RPRD2: variants seen among roughly 807,000 people sequenced by gnomAD.
RPRD2 encodes regulation of nuclear pre-mRNA domain containing 2.
Under a neutral mutation model 104.4 loss-of-function variants are expected in RPRD2, and 12 were observed. The observed-to-expected ratio is 0.11, with a 90% CI of 0.07 to 0.19. RPRD2 has a LOEUF of 0.19. Among genes scored for constraint, RPRD2 ranks in the 10% least tolerant of loss-of-function variants. The probability of loss-of-function intolerance (pLI) is 1.00; values close to 1 mark genes in which losing one functional copy is unlikely to be tolerated. For missense variants in RPRD2, 1,543 were observed against 1,790.1 expected (o/e 0.86, Z 2.49); for synonymous variants, 714 against 684.9 (o/e 1.04, Z -0.66).
intron 2 of RPRD2, among the ~76,000 whole-genome samples, chr1:150,436,228 T>C (rs1665981113): frequency 1.3e-5 from 2 of 152,200 alleles, no homozygotes; most frequent in Non-Finnish European, 2.9e-5. Context: ...AGATTGATGT[T>C]ATTTTCTTGC....
chr1:150,456,367 G>C (rs1398175649), intron 7 of RPRD2, among the ~76,000 whole-genome samples: 1 of 152,048 alleles, frequency 6.6e-6, no homozygotes, highest in Non-Finnish European at 1.5e-5. Context: ...ATTCACTTAG[G>C]GAGTATAAAA....
At chr1:150,462,260 C>A (rs1667984124) in intron 9 of RPRD2, among the ~76,000 whole-genome samples, 1 of 151,630 alleles carries the variant, frequency 6.6e-6, no homozygotes, top group African/African-American at 2.4e-5. Flanking sequence ...TCAGCCTGGG[C>A]AACAGAGCAA....
intron 1 of RPRD2, among the ~76,000 whole-genome samples, chr1:150,398,185 A>ATTT (rs1553884588): frequency 2.3e-5 from 1 of 42,622 alleles, no homozygotes; most frequent in Non-Finnish European, 4.7e-5. Flanking sequence ...TTGTGTTTTT[A>ATTT]TATTTATTTT....
intron 2 of RPRD2, among the ~76,000 whole-genome samples, chr1:150,431,806 G>A (rs1665617676): frequency 6.6e-6 from 1 of 151,956 alleles, no homozygotes; most frequent in Non-Finnish European, 1.5e-5. Flanking sequence ...TCTAATACAT[G>A]CCGCAGCATG....
At chr1:150,384,018 C>G (rs1661350584) in intron 1 of RPRD2, among the ~76,000 whole-genome samples, 1 of 152,136 alleles carries the variant, frequency 6.6e-6, no homozygotes, top group African/African-American at 2.4e-5. Flanking sequence ...TTAGGAACTA[C>G]CAAATTAAAG....
At chr1:150,388,404 G>GTATATACACATGTATATATATACA (rs1661783990) in intron 1 of RPRD2, among the ~76,000 whole-genome samples, 1 of 116,172 alleles carries the variant, frequency 8.6e-6, no homozygotes, top group Admixed American at 8.7e-5. Context: ...GTATATACGT[G>GTATATACACATGTATATATATACA]TATATACACA....
chr1:150,380,511 C>A (rs1661044731), intron 1 of RPRD2, among the ~76,000 whole-genome samples: 1 of 151,844 alleles, frequency 6.6e-6, no homozygotes, highest in African/African-American at 2.4e-5. Flanking sequence ...CCATGCCCAG[C>A]TAATTTTTGT....
At chr1:150,419,918 G>A (rs1405333773) in intron 2 of RPRD2, among the ~76,000 whole-genome samples, 1 of 152,180 alleles carries the variant, frequency 6.6e-6, no homozygotes, top group African/African-American at 2.4e-5. Context: ...GTGAGCCAAC[G>A]CACCTGGCCT....
At chr1:150,384,002 C>CA (rs1333601642) in intron 1 of RPRD2, among the ~76,000 whole-genome samples, 1 of 152,138 alleles carries the variant, frequency 6.6e-6, no homozygotes, top group African/African-American at 2.4e-5. Context: ...GTTTCACTGT[C>CA]AAAGTTTAGG....
At chr1:150,415,256 C>T (rs1412041184) in intron 1 of RPRD2, among the ~76,000 whole-genome samples, 2 of 151,922 alleles carry the variant, frequency 1.3e-5, no homozygotes, top group African/African-American at 2.4e-5. Context: ...AGCTTGAACC[C>T]GTGAGGCGGA....
intron 1 of RPRD2, among the ~76,000 whole-genome samples, chr1:150,400,710 C>G (rs375843559): frequency 6.6e-6 from 1 of 152,020 alleles, no homozygotes; most frequent in Non-Finnish European, 1.5e-5. Context: ...CTTCCTTTTC[C>G]GCTGTTCTTA....
At chr1:150,449,072 C>T (rs1173351896) in intron 7 of RPRD2, among the ~76,000 whole-genome samples, 1 of 152,044 alleles carries the variant, frequency 6.6e-6, no homozygotes, top group African/African-American at 2.4e-5. Flanking sequence ...CAAGATTAGC[C>T]TGGGCAACAT....
chr1:150,425,105 T>C (rs1665029811), intron 2 of RPRD2, among the ~76,000 whole-genome samples: 1 of 152,128 alleles, frequency 6.6e-6, no homozygotes. Context: ...ATAAAATTAG[T>C]TTCTCGTCTG....
At position 150,471,849 on chromosome 1, in the gene RPRD2, C is replaced by T; in HGVS notation, c.2901C>T (p.His967=). The change falls in exon 11 of 11, where the codon CAC becomes CAT. Residue 967 remains histidine (H), a synonymous_variant. Transcript: ENST00000369068. This position sits in a 1 kb window ranked among gnomAD's most constrained non-coding sequence, Gnocchi z 5.3. ...LPQKQYPDSP[H]PVPHRSLFSP... is the part of the protein sequence containing the mutation. ...AGAAGCAGTACCCAGACTCTCCTCA[C>T]CCAGTCCCACATCGTTCCCTTTTCT... 2 of 1,614,004 alleles carry T rather than the reference C, an allele frequency of 1.2e-6. No individual in the cohort carries two copies. Among genetic ancestry groups the T allele is most frequent in the Non-Finnish European group, 1.7e-6 (2 of 1,179,902 alleles).
chr1:150,422,340 A>AAATAATAATAATAATAATTAAT (rs1553889808), intron 2 of RPRD2, among the ~76,000 whole-genome samples: 21 of 128,320 alleles, frequency 1.6e-4, no homozygotes, highest in Non-Finnish European at 3.3e-4. Flanking sequence ...CTCTGTCTCA[A>AAATAATAATAATAATAATTAAT]AATAATAATA....
chr1:150,365,150 C>T (rs1462180611), intron 1 of RPRD2, among the ~76,000 whole-genome samples: 3 of 152,152 alleles, frequency 2.0e-5, no homozygotes, highest in Admixed American at 6.6e-5. Flanking sequence ...TGACCTTGGG[C>T]CGTTGGGCCC....
At chr1:150,447,068 C>T (rs1467365037) in intron 7 of RPRD2, among the ~76,000 whole-genome samples, 2 of 151,788 alleles carry the variant, frequency 1.3e-5, no homozygotes, top group African/African-American at 2.4e-5. Context: ...ACTCCAACCT[C>T]GGGTGATCCG....
At position 150,473,097 on chromosome 1, in the gene RPRD2, TGGA is replaced by T. The variant is rs1560233770; in HGVS notation, c.4158_4160del (p.Gly1390del). 2.5e-6 allele frequency: 4 copies of T among 1,613,842 alleles called. No homozygotes were observed. In the Admixed American group the frequency reaches 6.7e-5, roughly 27 times the overall value. On this transcript the variant is annotated inframe_deletion, in exon 11 of 11. Coordinates refer to ENST00000369068, the MANE Select transcript of RPRD2 (RefSeq NM_015203.5). ...CTCTGGAACACCTGGGCCCACCCCA[TGGA>T]GGAGGAGGTGGGGGAGGCAGCAACA... is the stretch of plus-strand genomic sequence containing the variant.
chr1:150,382,534 T>A (rs1403041903), intron 1 of RPRD2, among the ~76,000 whole-genome samples: 1 of 152,116 alleles, frequency 6.6e-6, no homozygotes, highest in East Asian at 1.9e-4. Flanking sequence ...AATTTTTGTA[T>A]TTTTAGTAGA....
Sources: gnomAD v4.1 joint callset for allele counts (sites outside exome capture counted in the v4.1 genomes callset) on GRCh38, gnomAD v4.1.1 for gene constraint, Gnocchi (gnomAD v3.1) non-coding constraint, MANE v1.5 for transcripts, NCBI Gene and HGNC (gene_info 2026-07-23, HGNC 2026-07-21) for gene names.